PTPRT: variants seen among roughly 807,000 people sequenced by gnomAD.
PTPRT encodes receptor-type tyrosine-protein phosphatase T.
In PTPRT, 56 loss-of-function variants were observed where a neutral mutation model predicts 176.8. The observed-to-expected ratio is 0.32, with a 90% CI of 0.26 to 0.40. The LOEUF (loss-of-function observed/expected upper bound fraction) is 0.40. PTPRT is among the 10% of genes least tolerant of loss of function. The pLI is 1.00. For missense variants in PTPRT, 1,540 were observed against 1,908.2 expected, an observed-to-expected ratio of 0.81 and a Z score of 3.60; for synonymous variants, 783 against 739.0, an observed-to-expected ratio of 1.06 and a Z score of -0.96.
intron 7 of PTPRT, among the ~76,000 whole-genome samples, chr20:42,588,497 G>A (rs1390730893): frequency 5.9e-5 from 9 of 151,958 alleles, no homozygotes. Context: ...TGTGGCTGGT[G>A]CAAACTGAGC....
intron 7 of PTPRT, among the ~76,000 whole-genome samples, chr20:42,483,176 C>G (rs1206642205): frequency 6.6e-6 from 1 of 152,078 alleles, no homozygotes; most frequent in South Asian, 2.1e-4. Context: ...ACTCATTCTT[C>G]TTTGTTTTTG....
intron 7 of PTPRT, among the ~76,000 whole-genome samples, chr20:42,487,930 C>T (rs910642505): frequency 6.6e-6 from 1 of 152,224 alleles, no homozygotes; most frequent in African/African-American, 2.4e-5. Flanking sequence ...ACACTGTCTT[C>T]TGCCCGAATG....
intron 7 of PTPRT, among the ~76,000 whole-genome samples, chr20:42,487,244 C>T (rs1056175942): frequency 1.3e-5 from 2 of 152,154 alleles, no homozygotes; most frequent in African/African-American, 4.8e-5. Flanking sequence ...GGAGAAGCCA[C>T]CCTGGCATTT....
chr20:42,506,693 T>C (rs988233248), intron 7 of PTPRT, among the ~76,000 whole-genome samples: 4 of 152,176 alleles, frequency 2.6e-5, no homozygotes, highest in Non-Finnish European at 4.4e-5. Context: ...GGACATTGAA[T>C]AATGGATGGT....
chr20:42,215,790 AG>A, intron 15 of PTPRT, among the ~76,000 whole-genome samples: 1 of 152,324 alleles, frequency 6.6e-6, no homozygotes, highest in African/African-American at 2.4e-5. Flanking sequence ...ATCCCCAGCC[AG>A]TGGGTATCCA....
intron 2 of PTPRT, among the ~76,000 whole-genome samples, chr20:42,877,686 C>A (rs1172581748): frequency 3.3e-5 from 5 of 152,140 alleles, no homozygotes; most frequent in Admixed American, 1.3e-4. Context: ...CAATGTTGTT[C>A]CTGCCTACAA....
intron 20 of PTPRT, 35 bp downstream of exon 20, chr20:42,119,900 C>T: frequency 6.3e-7 from 1 of 1,588,972 alleles, no homozygotes; most frequent in Non-Finnish European, 8.6e-7. Flanking sequence ...CCCCTGAAGC[C>T]TCTCTGAGGC....
At chr20:42,114,616 T>C (rs1987178654) in intron 22 of PTPRT, among the ~76,000 whole-genome samples, 1 of 152,160 alleles carries the variant, frequency 6.6e-6, no homozygotes, top group South Asian at 2.1e-4. Context: ...TGTGGAATGT[T>C]TATAAGCATC....
chr20:43,133,996 T>C (rs1398374593), intron 1 of PTPRT, among the ~76,000 whole-genome samples: 1 of 152,154 alleles, frequency 6.6e-6, no homozygotes, highest in East Asian at 1.9e-4. Context: ...TGTTGAAATT[T>C]ATAATGGGTA....
At chr20:42,351,564 G>A (rs6030160) in intron 10 of PTPRT, among the ~76,000 whole-genome samples, 2 of 152,172 alleles carry the variant, frequency 1.3e-5, no homozygotes, top group African/African-American at 2.4e-5. Context: ...TACATATTTA[G>A]GATAATGAAA....
chr20:42,971,245 G>C (rs777244379), intron 1 of PTPRT: 1 of 152,208 alleles, frequency 6.6e-6, no homozygotes, highest in Admixed American at 6.5e-5. Context: ...GTATCTGAAA[G>C]TGCTGTTTGA....
At chr20:43,078,573 A>G (rs949403796) in intron 1 of PTPRT, among the ~76,000 whole-genome samples, 1 of 152,216 alleles carries the variant, frequency 6.6e-6, no homozygotes, top group Non-Finnish European at 1.5e-5. Flanking sequence ...CTAAAATGAA[A>G]CAACAAATGC....
intron 7 of PTPRT, among the ~76,000 whole-genome samples, chr20:42,641,133 A>G (rs1431167778): frequency 6.6e-6 from 1 of 152,178 alleles, no homozygotes; most frequent in Non-Finnish European, 1.5e-5. Flanking sequence ...ATTGCCCTGC[A>G]TATAGCATTT....
chr20:42,985,800 G>A (rs1032630598), intron 1 of PTPRT, among the ~76,000 whole-genome samples: 1 of 152,142 alleles, frequency 6.6e-6, no homozygotes, highest in African/African-American at 2.4e-5. Context: ...GGGGGGATGA[G>A]GAGTGCGCCC....
intron 6 of PTPRT, among the ~76,000 whole-genome samples, chr20:42,717,152 G>A (rs1016771819): frequency 1.2e-4 from 18 of 150,046 alleles, no homozygotes; most frequent in Admixed American, 3.3e-4. Flanking sequence ...TAACCTGCAC[G>A]TTGTGCACAT....
chr20:42,947,823 C>T (rs206652), intron 1 of PTPRT, among the ~76,000 whole-genome samples: 13,338 of 151,986 alleles, frequency 0.088, 1,747 homozygotes, highest in African/African-American at 0.28. Context: ...AGGTCACTGA[C>T]GAGTGTCTCT....
chr20:42,081,769 G>T, intron 30 of PTPRT, 113 bp downstream of exon 30: 2 of 1,345,740 alleles, frequency 1.5e-6, no homozygotes, highest in Admixed American at 1.7e-5. Context: ...ACAGAATGCA[G>T]GTATACAATT....
At chr20:42,697,543 CA>C (rs1569092389) in intron 6 of PTPRT, among the ~76,000 whole-genome samples, 1 of 152,184 alleles carries the variant, frequency 6.6e-6, no homozygotes, top group Non-Finnish European at 1.5e-5. Flanking sequence ...GAACTCAATA[CA>C]AAACAGACAC....
intron 4 of PTPRT, among the ~76,000 whole-genome samples, 172 bp from the exon 5 acceptor site, chr20:42,771,722 C>A (rs139681891): frequency 6.6e-6 from 1 of 152,206 alleles, no homozygotes; most frequent in African/African-American, 2.4e-5. Flanking sequence ...TGGCACTGTT[C>A]GAACTTTACA....
Sources: gnomAD v4.1 joint callset for allele counts (sites outside exome capture counted in the v4.1 genomes callset) on GRCh38, gnomAD v4.1.1 for gene constraint, MANE v1.5 for transcripts, NCBI Gene and HGNC (gene_info 2026-07-23, HGNC 2026-07-21) for gene names.